The following PLCH1 variants were observed in gnomAD, a reference collection of about 807,000 sequenced individuals.
PLCH1 encodes the protein phospholipase C eta 1.
A neutral mutation model predicts 126.7 loss-of-function variants in PLCH1; 60 were observed. The observed-to-expected ratio is 0.47, with a 90% CI of 0.38 to 0.59. The LOEUF is 0.59. Ranked by LOEUF, PLCH1 falls within the 20% of genes least tolerant of loss-of-function variation. The pLI, the probability that PLCH1 is intolerant of heterozygous loss-of-function variation, is 0.00. For missense variants in PLCH1, 1,723 were observed against 2,040.0 expected (o/e 0.84, Z 2.99); for synonymous variants, 719 against 734.9 (o/e 0.98, Z 0.35).
At chr3:155,627,524 C>T (rs917414955) in intron 2 of PLCH1, among the ~76,000 whole-genome samples, 4 of 151,434 alleles carry the variant, frequency 2.6e-5, no homozygotes, top group Non-Finnish European at 5.9e-5. Context: ...GTACCAACTA[C>T]TTGGGAGGCT....
chr3:155,603,866 G>A (rs1734046698), intron 2 of PLCH1, among the ~76,000 whole-genome samples: 1 of 152,072 alleles, frequency 6.6e-6, no homozygotes, highest in Non-Finnish European at 1.5e-5. Context: ...AGAAGGCCAA[G>A]GTGAGAGGAT....
chr3:155,668,084 C>CAAAAA (rs756879174), intron 2 of PLCH1, among the ~76,000 whole-genome samples: 5 of 37,986 alleles, frequency 1.3e-4, no homozygotes, highest in African/African-American at 1.2e-4. Context: ...GACTCCATCT[C>CAAAAA]AAAAAAAAAA....
At position 155,514,311 on chromosome 3, in the gene PLCH1, C is replaced by T. The variant is rs780859707; in HGVS notation, c.1632+412G>A. Among the ~76,000 whole-genome samples, 17 of 152,254 alleles carry T rather than the reference C, an allele frequency of 1.1e-4. No individual in the cohort carries two copies. In the South Asian group the frequency reaches 2.1e-3, roughly 19 times the overall value. ...AGAGTGATCACTTAGGATCCAAGGG[C>T]GGTCACCCCCATATGATCTTCCTTC... is the stretch of plus-strand genomic sequence containing the variant. On this transcript the variant is annotated intron_variant, in intron 12 of 22. Coordinates refer to ENST00000460012, the MANE Select transcript of PLCH1 (RefSeq NM_014996.4).
chr3:155,553,985 AG>A (rs1350544734), intron 9 of PLCH1, 90 bp downstream of exon 9: 15 of 1,271,252 alleles, frequency 1.2e-5, no homozygotes, highest in Non-Finnish European at 1.7e-5. Flanking sequence ...GTAGAGTCCA[AG>A]GAAGAGGATG....
intron 9 of PLCH1, among the ~76,000 whole-genome samples, chr3:155,550,526 A>G (rs536824963): frequency 6.6e-6 from 1 of 152,304 alleles, no homozygotes; most frequent in East Asian, 1.9e-4. Flanking sequence ...GTCAAAAAAT[A>G]AAAATAAAAA....
At chr3:155,561,560 C>T (rs371704843) in intron 8 of PLCH1, among the ~76,000 whole-genome samples, 6 of 151,512 alleles carry the variant, frequency 4.0e-5, no homozygotes, top group Non-Finnish European at 7.4e-5. Flanking sequence ...TGGTTCCAAG[C>T]CTTTGCTATT....
intron 1 of PLCH1, among the ~76,000 whole-genome samples, chr3:155,734,762 G>C (rs567607925): frequency 4.1e-4 from 61 of 148,896 alleles, no homozygotes; most frequent in African/African-American, 1.3e-3. Context: ...AGGCTGGAGT[G>C]CAGTGGTGCA....
At position 155,481,827 on chromosome 3, in the gene PLCH1, T is replaced by G; in HGVS notation, c.4199A>C (p.Tyr1400Ser). Reference protein sequence around the residue: ...EHFQRGLRNGYCKETLRPSVP... With the variant: ...EHFQRGLRNGSCKETLRPSVP... ...AGAAGGGCGGAGGGTCTCTTTACAG[T>G]AGCCGTTTCTCAAACCTCTTTGAAA... The change falls in exon 23 of 23, where the codon TAC (tyrosine) becomes TCC (serine). Residue 1400 changes from tyrosine (Y) to serine (S), a missense_variant. By Grantham distance (144) the Tyr-to-Ser change is moderately radical (BLOSUM62 -2). Around this residue, in one of 2 missense-constraint regions of PLCH1, gnomAD observed 947 missense variants for 977.1 expected, o/e 0.97. Transcript: ENST00000460012. This position sits in a 1 kb window ranked among gnomAD's most constrained non-coding sequence, Gnocchi z 4.2. The G allele has an allele frequency of 6.2e-7, 1 of 1,614,222 alleles. No homozygotes were observed.
chr3:155,544,495 A>T (rs924919065), intron 10 of PLCH1, among the ~76,000 whole-genome samples: 1 of 152,200 alleles, frequency 6.6e-6, no homozygotes, highest in Non-Finnish European at 1.5e-5. Flanking sequence ...GAAAGTTAAC[A>T]AGGATATCCA....
chr3:155,485,310 T>C (rs759994812), intron 22 of PLCH1, 46 bp downstream of exon 22: 21 of 1,219,380 alleles, frequency 1.7e-5, no homozygotes, highest in Admixed American at 4.1e-5. Context: ...GGGACTGACA[T>C]GCAGCCTAGA....
chr3:155,657,101 A>C (rs540390303), intron 2 of PLCH1, among the ~76,000 whole-genome samples: 4 of 151,884 alleles, frequency 2.6e-5, no homozygotes, highest in African/African-American at 9.7e-5. Context: ...GCTGATTCTT[A>C]AGTTAAAAAA....
At chr3:155,612,772 G>C (rs1735281427) in intron 2 of PLCH1, among the ~76,000 whole-genome samples, 1 of 151,986 alleles carries the variant, frequency 6.6e-6, no homozygotes, top group South Asian at 2.1e-4. Flanking sequence ...GCCGGGCGTG[G>C]TGGTGCATGC....
At position 155,596,184 on chromosome 3, in the gene PLCH1, G is replaced by T. The variant is rs755657048; in HGVS notation, c.226+48C>A. 3 of 1,460,208 alleles carry T rather than the reference G, an allele frequency of 2.1e-6. No individual in the cohort carries two copies. The South Asian group carries it at 3.5e-5, about 17-fold the overall frequency. The allele number at this position is 1,460,208 out of a possible 1,614,324, so 90.5% of individuals were successfully genotyped here. A position where few individuals can be genotyped will look rare whatever the true frequency, so the allele number is the denominator to read the frequency against. The stretch of plus-strand genomic sequence containing the variant: ...TTCAAGAGCCCACTCAGTATAACCC[G>T]TGTGTTACTATGTCCAGCCAAGCAA... On this transcript the variant is annotated intron_variant, in intron 3 of 22. Transcript: ENST00000460012.
At position 155,482,480 on chromosome 3, in the gene PLCH1, A is replaced by G. The variant is rs776586577; in HGVS notation, c.3546T>C (p.Asn1182=). The G allele has an allele frequency of 6.2e-7, 1 of 1,614,160 alleles. No individual in the cohort carries two copies. The highest frequency in any genetic ancestry group is 8.5e-7 in the Non-Finnish European group (1 of 1,180,008). The part of the protein sequence containing the change: ...LIDNVTLTNE[N]EPGSSISALI... ...GGGCTGAGATGGAACTGCCCGGCTCATTCTCATTTGTTAAAGTGACATTGT... is the reference window on the plus strand; with the variant it reads ...GGGCTGAGATGGAACTGCCCGGCTCGTTCTCATTTGTTAAAGTGACATTGT... The change falls in exon 23 of 23, where the codon AAT becomes AAC. Residue 1182 remains asparagine, a synonymous_variant. Coordinates refer to ENST00000460012, the MANE Select transcript of PLCH1 (RefSeq NM_014996.4).
chr3:155,452,491 T>C (rs887909102), intron 21 of PLCH1, among the ~76,000 whole-genome samples: 3 of 152,130 alleles, frequency 2.0e-5, no homozygotes, highest in Non-Finnish European at 2.9e-5. Context: ...GCTTCTAGAA[T>C]TGAGAGTCTA....
intron 17 of PLCH1, 46 bp downstream of exon 17, chr3:155,494,095 G>A (rs1337769633): frequency 1.4e-6 from 2 of 1,438,010 alleles, no homozygotes; most frequent in African/African-American, 1.4e-5. Context: ...TTTAGACTAT[G>A]AAATTAACAC....
chr3:155,516,462 A>T (rs1464708588), intron 11 of PLCH1, among the ~76,000 whole-genome samples: 4 of 152,028 alleles, frequency 2.6e-5, no homozygotes, highest in Non-Finnish European at 5.9e-5. Context: ...AGAACACATG[A>T]GTTTTCCTAG....
chr3:155,733,929 G>GTA (rs1748951791), intron 1 of PLCH1, among the ~76,000 whole-genome samples: 1 of 61,940 alleles, frequency 1.6e-5, no homozygotes, highest in African/African-American at 5.6e-5. Context: ...TGGCCAACAG[G>GTA]TATACATATA....
intron 2 of PLCH1, 103 bp downstream of exon 2, chr3:155,704,043 C>G (rs1000245717): frequency 6.6e-6 from 3 of 456,260 alleles, no homozygotes; most frequent in Non-Finnish European, 7.2e-6. Context: ...GCTCTTGGTT[C>G]CATCCAACAA....
Sources: allele counts gnomAD v4.1 joint callset (sites outside exome capture counted in the v4.1 genomes callset), GRCh38; gene constraint gnomAD v4.1.1; regional missense constraint gnomAD v4.1.1; non-coding constraint Gnocchi (gnomAD v3.1); transcripts MANE v1.5; gene names NCBI Gene and HGNC (gene_info 2026-07-23, HGNC 2026-07-21).